ERCC8: variants seen among roughly 807,000 people sequenced by gnomAD.
ERCC8 encodes DNA excision repair protein ERCC-8.
Under a neutral mutation model 54.9 loss-of-function variants are expected in ERCC8, and 52 were observed. The observed-to-expected ratio is 0.95, with a 90% CI of 0.76 to 1.19. The LOEUF is 1.19. ERCC8 is among the 50% of genes most tolerant of loss of function. ERCC8 has a pLI of 0.00. For synonymous variants in ERCC8, 146 were observed against 157.2 expected (o/e 0.93, Z 0.53); for missense variants, 514 against 466.1 (o/e 1.10, Z -0.95).
chr5:60,907,848 C>T (rs886406955), intron 4 of ERCC8, among the ~76,000 whole-genome samples: 11 of 152,196 alleles, frequency 7.2e-5, no homozygotes, highest in Admixed American at 3.9e-4. Context: ...TTATCTCCCA[C>T]GTATTTCTCA....
At chr5:60,909,096 G>A (rs911370571) in intron 4 of ERCC8, among the ~76,000 whole-genome samples, 2 of 151,808 alleles carry the variant, frequency 1.3e-5, no homozygotes, top group South Asian at 2.1e-4. Flanking sequence ...GAAAGTTTTG[G>A]CTTTAAAAAA....
rs1747790528 is a variant in ERCC8 at position 60,868,088 on chromosome 5, G to A, written c.*6527C>T. Among the ~76,000 whole-genome samples the A allele has an allele frequency of 6.6e-6, 1 of 152,214 alleles. No individual in the cohort carries two copies. The highest frequency in any genetic ancestry group is 1.5e-5 in the Non-Finnish European group (1 of 68,038). On this transcript the variant is annotated 3_prime_UTR_variant, in exon 12 of 12. Transcript: ENST00000676185. ...CCAGCTACTTGGGAGGCTGAGGCAG[G>A]AGAATCGCTTGAACCCAGGAGGCGG...
At chr5:60,884,534 T>TTG (rs1561496036) in intron 11 of ERCC8, among the ~76,000 whole-genome samples, 2 of 150,554 alleles carry the variant, frequency 1.3e-5, no homozygotes, top group African/African-American at 4.9e-5. Flanking sequence ...TTTTTTTTTT[T>TTG]TTTGTTTTCT....
chr5:60,944,741 C>G (rs1750382256), intron 1 of ERCC8, among the ~76,000 whole-genome samples, 191 bp downstream of exon 1: 1 of 147,402 alleles, frequency 6.8e-6, no homozygotes, highest in Non-Finnish European at 1.5e-5. Context: ...CCCCCACCCC[C>G]GCCGCCCCCC....
chr5:60,892,809 G>C (rs984990841), intron 9 of ERCC8: 2 of 678,940 alleles, frequency 2.9e-6, no homozygotes, highest in East Asian at 5.1e-5. Context: ...CATGAATTTC[G>C]TGACCCCAGG....
chr5:60,893,638 G>A (rs971890764), intron 9 of ERCC8: 12 of 570,866 alleles, frequency 2.1e-5, no homozygotes, highest in African/African-American at 3.8e-5. Flanking sequence ...TACTTCCGGC[G>A]GGGATCTGAG....
At chr5:60,909,522 A>G (rs898277583) in intron 4 of ERCC8, 2 of 162,040 alleles carry the variant, frequency 1.2e-5, no homozygotes, top group African/African-American at 2.4e-5. Flanking sequence ...CCTTCTCCTC[A>G]GCCTACTCAA....
intron 1 of ERCC8, among the ~76,000 whole-genome samples, chr5:60,938,103 T>A (rs1750144061): frequency 7.6e-6 from 1 of 132,268 alleles, no homozygotes; most frequent in Non-Finnish European, 1.6e-5. Flanking sequence ...TTTTTTTTTT[T>A]TAGGTTACGA....
chr5:60,886,703 AAAAAAT>A (rs537368621), intron 11 of ERCC8, among the ~76,000 whole-genome samples: 4,510 of 142,716 alleles, frequency 0.032, 91 homozygotes, highest in Admixed American at 0.049. Context: ...CTCCATCTCA[AAAAAAT>A]AAAAATAAAA....
intron 2 of ERCC8, among the ~76,000 whole-genome samples, chr5:60,923,034 G>T (rs1194538682): frequency 6.6e-6 from 1 of 151,964 alleles, no homozygotes; most frequent in African/African-American, 2.4e-5. Flanking sequence ...GAAGGGATTT[G>T]TTGCTGGAGC....
intron 4 of ERCC8, among the ~76,000 whole-genome samples, chr5:60,905,625 ATC>A (rs1749049538): frequency 6.6e-6 from 1 of 152,212 alleles, no homozygotes. Flanking sequence ...CCAACTACTC[ATC>A]TCTGTCACTG....
At chr5:60,909,246 A>G (rs374547965) in intron 4 of ERCC8, among the ~76,000 whole-genome samples, 68 of 20,478 alleles carry the variant, frequency 3.3e-3, no homozygotes, top group Admixed American at 5.1e-3. Flanking sequence ...CTATTCTGAA[A>G]AAAAAAAAAA....
chr5:60,891,659 A>C (rs981491912), intron 9 of ERCC8, among the ~76,000 whole-genome samples: 4 of 117,816 alleles, frequency 3.4e-5, no homozygotes, highest in African/African-American at 1.6e-4. Flanking sequence ...GGGGGGGCAT[A>C]TTCTTTTTTT....
At chr5:60,925,964 C>T (rs554430893) in intron 2 of ERCC8, among the ~76,000 whole-genome samples, 8 of 152,234 alleles carry the variant, frequency 5.3e-5, no homozygotes, top group East Asian at 3.9e-4. Context: ...GCTGGGATTA[C>T]GGGCACGCGC....
intron 11 of ERCC8, among the ~76,000 whole-genome samples, chr5:60,879,418 T>C (rs957087186): frequency 1.3e-5 from 2 of 152,214 alleles, no homozygotes; most frequent in Non-Finnish European, 2.9e-5. Flanking sequence ...AATTCCTGGA[T>C]ATCCTTGTTA....
At chr5:60,893,144 G>A in intron 9 of ERCC8, 1 of 842,826 alleles carries the variant, frequency 1.2e-6, no homozygotes, top group Non-Finnish European at 2.1e-6. Flanking sequence ...CCATTTGGAA[G>A]CAGCAGCAGC....
rs1561519064 is a variant in ERCC8 at position 60,938,075 on chromosome 5, ATATATATATATTTTATT to A, written c.77+6840_77+6856del. Among the ~76,000 whole-genome samples, 48 of 18,922 alleles carry A rather than the reference ATATATATATATTTTATT, an allele frequency of 2.5e-3. No homozygotes were observed. In the East Asian group the frequency reaches 0.027, roughly 11 times the overall value. 12.4% of individuals were successfully genotyped at this position (18,922 alleles called of 152,430 possible). ...TATATATATATATATATATATATAT[ATATATATATATTTTATT>A]TTTTTTTTTTTTAGGTTACGAAGTT... On this transcript the variant is annotated intron_variant, in intron 1 of 11. Coordinates refer to ENST00000676185, the MANE Select transcript of ERCC8 (RefSeq NM_000082.4).
chr5:60,915,962 T>C lies in ERCC8; in HGVS notation c.399+2303A>G, dbSNP rs4647095. ...CTATTTGTACCCATTATTAGAGTAT[T>C]CCCCTCTAGGTGCCCTAAGAGCCTG... On this transcript the variant is annotated intron_variant, in intron 4 of 11. Coordinates refer to ENST00000676185, the MANE Select transcript of ERCC8 (RefSeq NM_000082.4). 1.5e-3 allele frequency among the ~76,000 whole-genome samples: 235 copies of C among 152,018 alleles called. 2 individuals are homozygous for C. Among genetic ancestry groups the C allele is most frequent in the African/African-American group, 5.5e-3 (228 of 41,402 alleles).
intron 10 of ERCC8, among the ~76,000 whole-genome samples, chr5:60,888,326 A>G (rs1389290790): frequency 3.3e-5 from 5 of 152,240 alleles, no homozygotes; most frequent in Admixed American, 6.5e-5. Context: ...AATTTCCTAA[A>G]TAAAACAAAA....
Sources: allele counts gnomAD v4.1 joint callset (sites outside exome capture counted in the v4.1 genomes callset), GRCh38; gene constraint gnomAD v4.1.1; transcripts MANE v1.5; gene names NCBI Gene and HGNC (gene_info 2026-07-23, HGNC 2026-07-21).